Variants in CARD8 observed in about 807,000 individuals in gnomAD.
CARD8 encodes caspase recruitment domain-containing protein 8.
In CARD8, 38 loss-of-function variants were observed where a neutral mutation model predicts 53.2. That is an observed-to-expected ratio of 0.71 (90% CI 0.55 to 0.94). CARD8 has a LOEUF of 0.94. Ranked by LOEUF, CARD8 falls within the 40% of genes least tolerant of loss-of-function variation. The pLI, the probability that CARD8 is intolerant of heterozygous loss-of-function variation, is 0.00. For synonymous variants in CARD8, 245 were observed against 244.9 expected, an observed-to-expected ratio of 1.00 and a Z score of 0.00; for missense variants, 561 against 655.5, an observed-to-expected ratio of 0.86 and a Z score of 1.57.
At position 48,245,308 on chromosome 19, in the gene CARD8, C is replaced by A. The variant is rs184373419; in HGVS notation, c.-44+4215G>T. ...CACTGCAACCTCTGCATCCTGGGTT[C>A]AAGTGATTCTCCTGCCTTAGCCTCC... On this transcript the variant is annotated intron_variant, in intron 3 of 13. Transcript: ENST00000651546. Among the ~76,000 whole-genome samples the A allele has an allele frequency of 3.1e-4, 47 of 152,226 alleles. 2 individuals are homozygous for A. In the East Asian group the frequency reaches 8.5e-3, roughly 28 times the overall value.
chr19:48,231,421 C>A (rs181895229), intron 8 of CARD8, among the ~76,000 whole-genome samples: 2 of 152,270 alleles, frequency 1.3e-5, no homozygotes, highest in Admixed American at 1.3e-4. Context: ...TCTCCTTTCT[C>A]AGCCTCCTGA....
At chr19:48,225,339 G>T (rs1173277657) in intron 10 of CARD8, among the ~76,000 whole-genome samples, 1 of 151,708 alleles carries the variant, frequency 6.6e-6, no homozygotes, top group Non-Finnish European at 1.5e-5. Flanking sequence ...AAAAATACAA[G>T]AATTAGTGGG....
intron 12 of CARD8, among the ~76,000 whole-genome samples, chr19:48,216,188 A>G (rs185281543): frequency 4.8e-4 from 73 of 152,094 alleles, no homozygotes; most frequent in African/African-American, 1.3e-3. Flanking sequence ...TTTTTTAAAT[A>G]AAAAAGTAAA....
chr19:48,214,449 T>C (rs887645468), intron 13 of CARD8, among the ~76,000 whole-genome samples: 3 of 152,218 alleles, frequency 2.0e-5, no homozygotes, highest in African/African-American at 2.4e-5. Context: ...CTCAAGAATG[T>C]GCATTAAGAG....
chr19:48,204,954 C>T (rs1240279003), downstream of CARD8, among the ~76,000 whole-genome samples: 2 of 152,150 alleles, frequency 1.3e-5, no homozygotes. Context: ...ATTGTAGTTA[C>T]TCTCTGTTGT....
rs560974375 is a variant in CARD8 at position 48,219,630 on chromosome 19, C to T, written c.1162-618G>A. 3.3e-5 allele frequency among the ~76,000 whole-genome samples: 5 copies of T among 152,214 alleles called. No individual in the cohort carries two copies. The South Asian group carries it at 1.0e-3, about 32-fold the overall frequency. On this transcript the variant is annotated intron_variant, in intron 11 of 13. Coordinates refer to ENST00000651546, the MANE Select transcript of CARD8 (RefSeq NM_001184900.3). ...AAAGGGTGAGATTGTTGGCTGGAATCTTTTTAAATGGAAGATGACTCTGAG... is the reference window on the plus strand; with the variant it reads ...AAAGGGTGAGATTGTTGGCTGGAATTTTTTTAAATGGAAGATGACTCTGAG...
In CARD8 at chr19:48,211,470, A is replaced by C. The variant is rs376108431; in HGVS notation, c.*240T>G. 9 of 474,670 alleles carry C rather than the reference A, an allele frequency of 1.9e-5. No individual in the cohort carries two copies. In the South Asian group the frequency reaches 2.3e-4, roughly 12 times the overall value. 29.4% of individuals were successfully genotyped at this position (474,670 alleles called of 1,614,324 possible). On this transcript the variant is annotated 3_prime_UTR_variant, in exon 14 of 14. Coordinates refer to ENST00000651546, the MANE Select transcript of CARD8 (RefSeq NM_001184900.3). ...TGGATAAAATAGTGATATATCAAGCAATGGTTGGAAAAAATTTAAAAGGAA... is the reference window on the plus strand; with the variant it reads ...TGGATAAAATAGTGATATATCAAGCCATGGTTGGAAAAAATTTAAAAGGAA...
downstream of CARD8, among the ~76,000 whole-genome samples, chr19:48,207,735 T>TTTTTTTTTG (rs1568595422): frequency 1.3e-5 from 1 of 74,906 alleles, no homozygotes; most frequent in Non-Finnish European, 2.5e-5. Flanking sequence ...TGTTTTTCTG[T>TTTTTTTTTG]TTTTTTTTTT....
At position 48,234,682 on chromosome 19, in the gene CARD8, G is replaced by T. The variant is rs961558694; in HGVS notation, c.210-139C>A. ...GGGAAGTCATTCCTCAGGCCCCTAC[G>T]ACTCCATCTCACCTCTCAGACTCCC... is the stretch of plus-strand genomic sequence containing the variant. On this transcript the variant is annotated intron_variant, in intron 5 of 13. Coordinates refer to ENST00000651546, the MANE Select transcript of CARD8 (RefSeq NM_001184900.3). 5.8e-6 allele frequency: 4 copies of T among 685,040 alleles called. No homozygotes were observed. In the South Asian group the frequency reaches 6.3e-5, roughly 11 times the overall value. 42.4% of individuals were successfully genotyped at this position (685,040 alleles called of 1,614,324 possible).
At position 48,234,374 on chromosome 19, in the gene CARD8, T is replaced by G. The variant is rs181242527; in HGVS notation, c.350+29A>C. 1.8e-4 allele frequency: 282 copies of G among 1,595,818 alleles called. 3 individuals are homozygous for G. Among genetic ancestry groups the G allele is most frequent in the South Asian group, 2.5e-4 (22 of 88,890 alleles). ...TGTGATATTGAGACACAGCGTCCAA[T>G]AGTTTTCCAACGGAATAGCTTTTCT... On this transcript the variant is annotated intron_variant, in intron 6 of 13. Coordinates refer to ENST00000651546, the MANE Select transcript of CARD8 (RefSeq NM_001184900.3).
chr19:48,211,988 G>A lies in CARD8; in HGVS notation c.1349-13C>T. 6.2e-7 allele frequency: 1 copy of A among 1,610,766 alleles called. No homozygotes were observed. The highest frequency in any genetic ancestry group is 8.5e-7 in the Non-Finnish European group (1 of 1,178,074). On this transcript the variant is annotated splice_polypyrimidine_tract_variant and intron_variant, in intron 13 of 13. Transcript: ENST00000651546. ...ACAAAGGCTGCACCTGGATGAAAGG[G>A]GGAGTTTCAGACTTTGAGAATCGTT... is the stretch of plus-strand genomic sequence containing the variant.
rs1462869609 is a variant in CARD8 at position 48,230,969 on chromosome 19, C to G, written c.580G>C (p.Ala194Pro). The G allele has an allele frequency of 6.2e-7, 1 of 1,614,154 alleles. No individual in the cohort carries two copies. The highest frequency in any genetic ancestry group is 1.3e-5 in the African/African-American group (1 of 75,042). Residue 194 changes from alanine (A) to proline (P), a missense_variant, in exon 9 of 14, where the codon GCC (alanine) becomes CCC (proline). Coordinates refer to ENST00000651546, the MANE Select transcript of CARD8 (RefSeq NM_001184900.3). ...CTTACCAGGAAGCCGAGGCCTGTGG[C>G]TGACCACAGATACCAGCCAGCAGTG... ...FPTAGWYLWSATGLGFLVRDE... is the reference protein window; with the variant it reads ...FPTAGWYLWSPTGLGFLVRDE...
downstream of CARD8, chr19:48,204,065 C>T: frequency 2.3e-6 from 1 of 428,754 alleles, no homozygotes; most frequent in South Asian, 1.6e-5. Flanking sequence ...TGGGGAGGAG[C>T]TCTTTACCCG....
At chr19:48,207,734 G>GTTT (rs758903014), downstream of CARD8, among the ~76,000 whole-genome samples, 24 of 116,530 alleles carry the variant, frequency 2.1e-4, no homozygotes, top group African/African-American at 8.8e-4. Flanking sequence ...TTGTTTTTCT[G>GTTT]TTTTTTTTTT....
chr19:48,243,214 C>T (rs1197679191), intron 3 of CARD8, among the ~76,000 whole-genome samples: 2 of 152,014 alleles, frequency 1.3e-5, no homozygotes, highest in South Asian at 2.1e-4. Context: ...GGGGTTTCAC[C>T]GTGTTAGCCA....
At chr19:48,207,734 G>GTTTTTTTTTTTTTTGTTTTTTTT, downstream of CARD8, among the ~76,000 whole-genome samples, 1 of 116,552 alleles carries the variant, frequency 8.6e-6, no homozygotes, top group South Asian at 2.7e-4. Flanking sequence ...TTGTTTTTCT[G>GTTTTTTTTTTTTTTGTTTTTTTT]TTTTTTTTTT....
At chr19:48,245,255 G>C (rs2045920057) in intron 3 of CARD8, among the ~76,000 whole-genome samples, 1 of 152,140 alleles carries the variant, frequency 6.6e-6, no homozygotes, top group African/African-American at 2.4e-5. Context: ...TGTCGCTCAG[G>C]CTGTAGAGAA....
chr19:48,253,407 C>T (rs908502168), intron 1 of CARD8, among the ~76,000 whole-genome samples: 11 of 152,116 alleles, frequency 7.2e-5, no homozygotes, highest in Non-Finnish European at 1.3e-4. Context: ...TTTAAATACT[C>T]ATCTGCAAAA....
intron 13 of CARD8, among the ~76,000 whole-genome samples, chr19:48,212,265 C>G (rs1455708990): frequency 1.3e-5 from 2 of 152,200 alleles, no homozygotes; most frequent in African/African-American, 4.8e-5. Flanking sequence ...CTAGACAGAG[C>G]TCTATCTTGC....
Sources: allele counts gnomAD v4.1 joint callset (sites outside exome capture counted in the v4.1 genomes callset), GRCh38; gene constraint gnomAD v4.1.1; transcripts MANE v1.5; gene names NCBI Gene and HGNC (gene_info 2026-07-23, HGNC 2026-07-21).